The following HSPH1 variants were observed in gnomAD, a reference collection of about 807,000 sequenced individuals.
HSPH1 encodes the protein heat shock protein 105 kDa.
A neutral mutation model predicts 100.0 loss-of-function variants in HSPH1; 40 were observed. The observed-to-expected ratio is 0.40, with a 90% CI of 0.31 to 0.52. The LOEUF (loss-of-function observed/expected upper bound fraction) is 0.52. Ranked by LOEUF, HSPH1 falls within the 20% of genes least tolerant of loss-of-function variation. HSPH1 has a pLI of 0.54. For synonymous variants in HSPH1, 403 were observed against 344.0 expected (o/e 1.17, Z -1.90); for missense variants, 876 against 1,015.1 (o/e 0.86, Z 1.86).
chr13:31,160,931 G>A (rs1487886358), intron 1 of HSPH1, among the ~76,000 whole-genome samples: 1 of 152,216 alleles, frequency 6.6e-6, no homozygotes, highest in Non-Finnish European at 1.5e-5. Flanking sequence ...CCTGCTCACT[G>A]GACAAGCAGC....
At chr13:31,153,437 G>C (rs753401885) in intron 4 of HSPH1, among the ~76,000 whole-genome samples, 15 of 152,140 alleles carry the variant, frequency 9.9e-5, no homozygotes, top group Non-Finnish European at 2.1e-4. Context: ...GCTATTCACT[G>C]AGGTGCTCTT....
intron 5 of HSPH1, chr13:31,152,432 G>A (rs934805707): frequency 2.8e-5 from 5 of 180,266 alleles, no homozygotes; most frequent in Non-Finnish European, 3.5e-5. Context: ...AAATAGTACA[G>A]GCTTAAAGCA....
intron 11 of HSPH1, among the ~76,000 whole-genome samples, chr13:31,144,525 G>C (rs979247818): frequency 6.6e-6 from 1 of 152,020 alleles, no homozygotes; most frequent in Non-Finnish European, 1.5e-5. Context: ...TAAAAATTTG[G>C]TAAAGAAAAA....
At chr13:31,151,448 T>A (rs1259670313) in intron 6 of HSPH1, 161 bp downstream of exon 6, 7 of 705,558 alleles carry the variant, frequency 9.9e-6, no homozygotes, top group Admixed American at 3.4e-5. Flanking sequence ...AATTACATCA[T>A]CTTTATGGAG....
intron 6 of HSPH1, 179 bp downstream of exon 6, chr13:31,151,430 G>A (rs1357290641): frequency 1.2e-5 from 8 of 677,216 alleles, no homozygotes; most frequent in Non-Finnish European, 1.7e-5. Flanking sequence ...TTAAGAGTAT[G>A]CTAAGACAAT....
rs2137519531 is a variant in HSPH1 at position 31,136,005 on chromosome 13, C to G, written c.*1313G>C. On this transcript the variant is annotated 3_prime_UTR_variant, in exon 18 of 18. Transcript: ENST00000320027. ...CTTGGGCAACATAGCGAAACCCCAG[C>G]TCTACCAAAAAAAAAAAAAGAATAA... 6.6e-6 allele frequency: 1 copy of G among 151,358 alleles called. No homozygotes were observed. Among genetic ancestry groups the G allele is most frequent in the East Asian group, 1.9e-4 (1 of 5,140 alleles). 9.4% of individuals were successfully genotyped at this position (151,358 alleles called of 1,614,324 possible).
Position 31,141,244 on chromosome 13 carries a change from C to T in HSPH1, c.1732G>A (p.Val578Ile). 1 of 1,601,088 alleles carries T rather than the reference C, an allele frequency of 6.2e-7. No individual in the cohort carries two copies. Among genetic ancestry groups the T allele is most frequent in the Non-Finnish European group, 8.5e-7 (1 of 1,174,594 alleles). The stretch of plus-strand genomic sequence containing the variant: ...TTTTTAGCTTCTGGAGGCTGGTCAA[C>T]TTTTTTTTCATTTGCCTTGGGAAGA... ...PDADKANEKKVDQPPEAKKPK... is the reference protein window; with the variant it reads ...PDADKANEKKIDQPPEAKKPK... The change falls in exon 13 of 18, where the codon GTT becomes ATT. Residue 578 changes from valine (V) to isoleucine (I), a missense_variant. Coordinates refer to ENST00000320027, the MANE Select transcript of HSPH1 (RefSeq NM_006644.4).
chr13:31,158,976 A>G (rs1188709440), intron 1 of HSPH1, 113 bp from the exon 2 acceptor site: 3 of 682,500 alleles, frequency 4.4e-6, no homozygotes, highest in Non-Finnish European at 7.9e-6. Flanking sequence ...GGGAACAAGC[A>G]TAGCACAATT....
At chr13:31,153,257 T>G (rs1056195564) in intron 4 of HSPH1, among the ~76,000 whole-genome samples, 3 of 152,196 alleles carry the variant, frequency 2.0e-5, no homozygotes, top group African/African-American at 7.2e-5. Context: ...AGAGAAAACT[T>G]GAAATTAAAG....
intron 12 of HSPH1, 136 bp downstream of exon 12, chr13:31,143,656 T>C (rs532559921): frequency 1.0e-5 from 8 of 778,280 alleles, no homozygotes; most frequent in Admixed American, 3.0e-5. Flanking sequence ...GAAAAATACA[T>C]AGAAAATCAA....
At chr13:31,162,004 A>C, upstream of HSPH1, 3 of 1,536,048 alleles carry the variant, frequency 2.0e-6, no homozygotes, top group East Asian at 2.4e-5. Flanking sequence ...CGGCCCCTCC[A>C]CGTGCCACTT....
At chr13:31,160,115 G>A (rs1362591518) in intron 1 of HSPH1, among the ~76,000 whole-genome samples, 1 of 152,172 alleles carries the variant, frequency 6.6e-6, no homozygotes, top group Non-Finnish European at 1.5e-5. Flanking sequence ...TCACACAGTA[G>A]TCCCTGTATA....
chr13:31,150,264 T>A lies in HSPH1; in HGVS notation c.909-82A>T, dbSNP rs1382412675. 3.0e-6 allele frequency: 3 copies of A among 1,011,622 alleles called. No homozygotes were observed. The Admixed American group carries it at 7.2e-5, about 24-fold the overall frequency. 62.7% of individuals were successfully genotyped at this position (1,011,622 alleles called of 1,614,324 possible). A position where few individuals can be genotyped will look rare whatever the true frequency, so the allele number is the denominator to read the frequency against. On this transcript the variant is annotated intron_variant, in intron 7 of 17. Coordinates refer to ENST00000320027, the MANE Select transcript of HSPH1 (RefSeq NM_006644.4). ...TTGACAACCCAATGAATTTCATTAT[T>A]TTCCCCCTCAGACACCTTGGATCCC...
intron 13 of HSPH1, 128 bp downstream of exon 13, chr13:31,140,994 C>G: frequency 1.7e-6 from 1 of 573,552 alleles, no homozygotes; most frequent in Non-Finnish European, 2.8e-6. Flanking sequence ...TGTCTTCATC[C>G]TATCCCTAAA....
At chr13:31,139,300 T>C (rs1956002990) in intron 14 of HSPH1, 193 bp from the exon 15 acceptor site, 1 of 562,936 alleles carries the variant, frequency 1.8e-6, no homozygotes, top group East Asian at 2.8e-5. Flanking sequence ...AGAAGCCCAA[T>C]CTGTACAATG....
intron 1 of HSPH1, among the ~76,000 whole-genome samples, chr13:31,159,524 T>C (rs1240244038): frequency 6.6e-6 from 1 of 152,124 alleles, no homozygotes; most frequent in Non-Finnish European, 1.5e-5. Context: ...CTTACAACTG[T>C]GAAACAACCT....
At chr13:31,156,707 GA>G (rs1555236867) in intron 2 of HSPH1, among the ~76,000 whole-genome samples, 1 of 152,230 alleles carries the variant, frequency 6.6e-6, no homozygotes, top group Non-Finnish European at 1.5e-5. Flanking sequence ...CCAAAAAGTA[GA>G]AGGCAGAAGA....
intron 17 of HSPH1, 25 bp from the exon 18 acceptor site, chr13:31,137,549 C>A: frequency 2.6e-6 from 4 of 1,538,156 alleles, no homozygotes; most frequent in South Asian, 2.3e-5. Context: ...AACTAGTTAT[C>A]AGATTAACTC....
Position 31,149,937 on chromosome 13 carries a change from CAGAGTTGAGAAA to C in HSPH1, c.1137+5_1137+16del, listed in dbSNP as rs1309868299. 6.3e-7 allele frequency: 1 copy of C among 1,596,562 alleles called. No individual in the cohort carries two copies. Among genetic ancestry groups the C allele is most frequent in the African/African-American group, 1.3e-5 (1 of 74,538 alleles). On this transcript the variant is annotated splice_donor_5th_base_variant and intron_variant, in intron 8 of 17. Transcript: ENST00000320027. The stretch of plus-strand genomic sequence containing the variant: ...TTAAAGACTGTACACCAAGCAAAAG[CAGAGTTGAGAAA>C]GTACCTGTAATGCACATCCTCTGGC...
Sources: allele counts gnomAD v4.1 joint callset (sites outside exome capture counted in the v4.1 genomes callset), GRCh38; gene constraint gnomAD v4.1.1; transcripts MANE v1.5; gene names NCBI Gene and HGNC (gene_info 2026-07-23, HGNC 2026-07-21).